GLIS3: variants seen among roughly 807,000 people sequenced by gnomAD.
GLIS3 encodes zinc finger protein GLIS3.
Under a neutral mutation model 78.6 loss-of-function variants are expected in GLIS3, and 53 were observed. The observed-to-expected ratio is 0.67, with a 90% confidence interval of 0.54 to 0.85. GLIS3 has a LOEUF of 0.85. Among genes scored for constraint, GLIS3 ranks in the 40% least tolerant of loss-of-function variants. The pLI, the probability that GLIS3 is intolerant of heterozygous loss-of-function variation, is 0.00. For missense variants in GLIS3, 1,703 were observed against 1,231.1 expected, an observed-to-expected ratio of 1.38 and a Z score of -5.74; for synonymous variants, 684 against 509.9, an observed-to-expected ratio of 1.34 and a Z score of -4.60.
chr9:3,860,295 A>C (rs1195217308), intron 8 of GLIS3, among the ~76,000 whole-genome samples: 1 of 138,310 alleles, frequency 7.2e-6, no homozygotes, highest in African/African-American at 2.5e-5. Flanking sequence ...AAAAAAAAAA[A>C]AAAAAAAACC....
intron 2 of GLIS3, among the ~76,000 whole-genome samples, chr9:4,226,807 A>G (rs1821808653): frequency 1.3e-5 from 2 of 152,214 alleles, no homozygotes; most frequent in South Asian, 4.1e-4. Flanking sequence ...AGGACGAAAA[A>G]GACAGTGGAT....
intron 4 of GLIS3, among the ~76,000 whole-genome samples, chr9:4,014,047 T>C (rs373612842): frequency 5.2e-4 from 79 of 152,224 alleles, no homozygotes; most frequent in African/African-American, 1.8e-3. Context: ...GGCAGACAAA[T>C]TGCAGAAGAG....
In GLIS3 at chr9:4,235,456, C is replaced by G. The variant is rs1344867183; in HGVS notation, c.388+50582G>C. 2.6e-5 allele frequency among the ~76,000 whole-genome samples: 4 copies of G among 152,184 alleles called. No homozygotes were observed. The South Asian group carries it at 6.2e-4, about 24-fold the overall frequency. ...AACTTTAAGTTTCTAACGACTTGAT[C>G]TCAGTCATTCAGCCATGCTGGAATT... On this transcript the variant is annotated intron_variant, in intron 2 of 10. Transcript: ENST00000381971.
chr9:4,207,098 C>T (rs1436400812), intron 2 of GLIS3, among the ~76,000 whole-genome samples: 1 of 152,184 alleles, frequency 6.6e-6, no homozygotes, highest in Non-Finnish European at 1.5e-5. Flanking sequence ...ATCCCTACCT[C>T]TGGGCTACAC....
At chr9:4,184,819 G>A (rs1408109735) in intron 2 of GLIS3, among the ~76,000 whole-genome samples, 2 of 152,148 alleles carry the variant, frequency 1.3e-5, no homozygotes, top group Non-Finnish European at 2.9e-5. Flanking sequence ...GGAGTGAAAA[G>A]GAACTGAGGT....
At chr9:4,179,062 C>T (rs1468159886) in intron 2 of GLIS3, among the ~76,000 whole-genome samples, 2 of 152,304 alleles carry the variant, frequency 1.3e-5, no homozygotes, top group African/African-American at 2.4e-5. Flanking sequence ...AGTCACACTT[C>T]AGCCTGAGTT....
At chr9:4,349,016 AG>A (rs1563941446), upstream of GLIS3, among the ~76,000 whole-genome samples, 1 of 152,230 alleles carries the variant, frequency 6.6e-6, no homozygotes, top group Non-Finnish European at 1.5e-5. Context: ...AAGAAGCTGA[AG>A]GAGGAAAACA....
At chr9:4,415,936 T>G in the GLIS3 span, among the ~76,000 whole-genome samples, 5 of 151,792 alleles carry the variant, frequency 3.3e-5, no homozygotes, top group African/African-American at 9.7e-5. Context: ...AAGTAACCAC[T>G]ATTAACAATT....
chr9:4,439,424 C>T, the GLIS3 span, among the ~76,000 whole-genome samples: 1 of 152,292 alleles, frequency 6.6e-6, no homozygotes, highest in South Asian at 2.1e-4. Flanking sequence ...TCTTCTCCTC[C>T]TATCTTCTCC....
the GLIS3 span, among the ~76,000 whole-genome samples, chr9:4,389,668 G>A: frequency 3.3e-5 from 5 of 152,108 alleles, no homozygotes; most frequent in Non-Finnish European, 5.9e-5. Flanking sequence ...ATCACATCAC[G>A]TCAAGCCAGA....
At chr9:4,043,253 T>G (rs1036040496) in intron 4 of GLIS3, among the ~76,000 whole-genome samples, 2 of 151,920 alleles carry the variant, frequency 1.3e-5, no homozygotes, top group African/African-American at 4.9e-5. Context: ...CCAGAGGTGG[T>G]TCTGTCAGAA....
At chr9:3,876,174 C>G (rs1024536509) in intron 8 of GLIS3, among the ~76,000 whole-genome samples, 1 of 147,166 alleles carries the variant, frequency 6.8e-6, no homozygotes, top group African/African-American at 2.7e-5. Context: ...TAGGATAAAA[C>G]AATTACACAA....
chr9:4,111,619 A>G (rs1388983004), intron 4 of GLIS3, among the ~76,000 whole-genome samples: 2 of 152,356 alleles, frequency 1.3e-5, no homozygotes, highest in East Asian at 3.9e-4. Flanking sequence ...ACTTTTACCT[A>G]TACTAAGGGA....
chr9:4,148,774 G>A (rs1448895293), intron 2 of GLIS3, among the ~76,000 whole-genome samples: 2 of 152,054 alleles, frequency 1.3e-5, no homozygotes, highest in African/African-American at 4.8e-5. Flanking sequence ...TTTAAAATAA[G>A]GGGAAAAATA....
chr9:4,219,541 A>G (rs538629638), intron 2 of GLIS3, among the ~76,000 whole-genome samples: 1 of 152,294 alleles, frequency 6.6e-6, no homozygotes, highest in East Asian at 1.9e-4. Flanking sequence ...ATGTGACCAA[A>G]CCCAGCAATC....
the GLIS3 span, among the ~76,000 whole-genome samples, chr9:4,434,534 C>T: frequency 2.0e-5 from 3 of 151,990 alleles, no homozygotes; most frequent in Non-Finnish European, 4.4e-5. Context: ...ACCCAAAGCA[C>T]GTGATTATGG....
rs372913775 is a variant in GLIS3 at position 4,238,476 on chromosome 9, T to A, written c.388+47562A>T. ...CTGAAATACACCTAGACCTAGCAGT[T>A]TACAATAATTTTTAAAAAGTGCCAA... On this transcript the variant is annotated intron_variant, in intron 2 of 10. Coordinates refer to ENST00000381971, the MANE Select transcript of GLIS3 (RefSeq NM_001042413.2). Among the ~76,000 whole-genome samples, 28 of 152,172 alleles carry A rather than the reference T, an allele frequency of 1.8e-4. 1 individual carries two copies. The highest frequency in any genetic ancestry group is 6.5e-4 in the African/African-American group (27 of 41,520).
intron 4 of GLIS3, among the ~76,000 whole-genome samples, chr9:3,997,323 G>A (rs978736032): frequency 6.6e-5 from 10 of 151,952 alleles, no homozygotes; most frequent in Non-Finnish European, 1.5e-4. Flanking sequence ...CCCAGCCTGG[G>A]CAAGAAGAGT....
At chr9:4,411,648 T>C in the GLIS3 span, among the ~76,000 whole-genome samples, 2 of 152,208 alleles carry the variant, frequency 1.3e-5, no homozygotes, top group East Asian at 1.9e-4. Flanking sequence ...TTTTGATTTA[T>C]GGTGCTGTAT....
Sources: allele counts gnomAD v4.1 joint callset (sites outside exome capture counted in the v4.1 genomes callset), GRCh38; gene constraint gnomAD v4.1.1; transcripts MANE v1.5; gene names NCBI Gene and HGNC (gene_info 2026-07-23, HGNC 2026-07-21).